ZSWIM2: variants seen among roughly 807,000 people sequenced by gnomAD.
ZSWIM2 encodes zinc finger SWIM-type containing 2.
Under a neutral mutation model 48.4 loss-of-function variants are expected in ZSWIM2, and 38 were observed. The ratio of observed to expected loss-of-function variants is 0.79; its 90% confidence interval spans 0.61 to 1.03. The LOEUF is 1.03. Ranked by LOEUF, ZSWIM2 falls within the 50% of genes least tolerant of loss-of-function variation. ZSWIM2 has a pLI of 0.00. For synonymous variants in ZSWIM2, 240 were observed against 251.3 expected (o/e 0.96, Z 0.42); for missense variants, 776 against 730.2 (o/e 1.06, Z -0.72).
At chr2:186,828,922 G>A (rs1691648354) in intron 8 of ZSWIM2, 132 bp from the exon 9 acceptor site, 2 of 567,346 alleles carry the variant, frequency 3.5e-6, no homozygotes, top group East Asian at 3.2e-5. Context: ...TATTTATCAA[G>A]TTTTATGAAA....
chr2:186,845,805 T>G (rs1413815465), intron 2 of ZSWIM2, among the ~76,000 whole-genome samples: 1 of 151,614 alleles, frequency 6.6e-6, no homozygotes, highest in Non-Finnish European at 1.5e-5. Flanking sequence ...AATTTCAGAT[T>G]TAATAGACAT....
At position 186,833,161 on chromosome 2, in the gene ZSWIM2, AT is replaced by A; in HGVS notation, c.899del (p.Asn300MetfsTer24). 1.3e-6 allele frequency: 2 copies of A among 1,520,304 alleles called. No individual in the cohort carries two copies. Among genetic ancestry groups the A allele is most frequent in the East Asian group, 2.5e-5 (1 of 39,636 alleles). 94.2% of individuals were successfully genotyped at this position (1,520,304 alleles called of 1,614,324 possible). A position where few individuals can be genotyped will look rare whatever the true frequency, so the allele number is the denominator to read the frequency against. ...DEVVKYIDTKNEIEEKMSHFQ... is the reference protein window; with the variant it reads ...DEVVKYIDTKXEIEEKMSHFQ... ...AATGTGACATCTTTTCTTCAATCTC[AT>A]TTTTAGTATCTATGTATTTTACAAC... On this transcript the variant is annotated frameshift_variant, in exon 7 of 9. Coordinates refer to ENST00000295131, the MANE Select transcript of ZSWIM2 (RefSeq NM_182521.3). LOFTEE classifies it high-confidence loss of function.
At position 186,844,761 on chromosome 2, in the gene ZSWIM2, AC is replaced by A. The variant is rs1164444979; in HGVS notation, c.243-5del. The A allele has an allele frequency of 6.4e-7, 1 of 1,559,534 alleles. No individual in the cohort carries two copies. The highest frequency in any genetic ancestry group is 8.6e-7 in the Non-Finnish European group (1 of 1,158,212). On this transcript the variant is annotated splice_polypyrimidine_tract_variant and splice_region_variant and intron_variant, in intron 2 of 8. Coordinates refer to ENST00000295131, the MANE Select transcript of ZSWIM2 (RefSeq NM_182521.3). ...CTTGAATTTTTTCAACAAGACCCTA[AC>A]ATTCACAAGTAGAAAAAAAATCAAG...
At chr2:186,847,585 G>T in intron 2 of ZSWIM2, 134 bp downstream of exon 2, 1 of 498,304 alleles carries the variant, frequency 2.0e-6, no homozygotes, top group East Asian at 3.2e-5. Context: ...GGTAAGCTAT[G>T]ACCATTTTAA....
chr2:186,828,377 C>T lies in ZSWIM2; in HGVS notation c.1509G>A (p.Val503=), dbSNP rs10172225. The change falls in exon 9 of 9, where the codon GTG becomes GTA. Residue 503 remains valine, a synonymous_variant. Coordinates refer to ENST00000295131, the MANE Select transcript of ZSWIM2 (RefSeq NM_182521.3). ...TTTGAGATGGTATTTTCCCAAATGA[C>T]ACAGTGGGTAAATCTTGAAGATACC... ...FPRYLQDLPT[V]SFGKIPSQTL... 0.12 allele frequency: 192,489 copies of T among 1,612,084 alleles called. 15,164 individuals are homozygous for T. Among genetic ancestry groups the T allele is most frequent in the African/African-American group, 0.4 (30,143 of 74,784 alleles).
In ZSWIM2 at chr2:186,839,100, G is replaced by A. The variant is rs769787963; in HGVS notation, c.353C>T (p.Thr118Ile). 2 of 1,611,694 alleles carry A rather than the reference G, an allele frequency of 1.2e-6. No individual in the cohort carries two copies. Among genetic ancestry groups the A allele is most frequent in the Non-Finnish European group, 1.7e-6 (2 of 1,178,428 alleles). ...DLLRGIHRVQ[T>I]PQPGTNDENE... The stretch of plus-strand genomic sequence containing the variant: ...TTCGTCATTTGTTCCTGGTTGGGGA[G>A]TTTGAACTCGATGTATCCCCCGAAG... Residue 118 changes from threonine (T) to isoleucine (I), a missense_variant, in exon 4 of 9, where the codon ACT becomes ATT. Physicochemically the swap from Thr to Ile is moderately conservative, Grantham distance 89. Transcript: ENST00000295131.
chr2:186,848,983 C>G lies in ZSWIM2; in HGVS notation c.148G>C (p.Glu50Gln). The G allele has an allele frequency of 6.2e-7, 1 of 1,613,606 alleles. No homozygotes were observed. The highest frequency in any genetic ancestry group is 8.5e-7 in the Non-Finnish European group (1 of 1,179,988). ...TGFLLREEEP[E>Q]YMDFRVFLGN... ...GTAGTTACTCGGAAATCCATGTATT[C>G]CGGCTCCTCCTCCCTCAGCAGGAAG... The change falls in exon 1 of 9, where the codon GAA becomes CAA. Residue 50 changes from glutamate to glutamine, a missense_variant. Physicochemically the swap from Glu to Gln is conservative, Grantham distance 29 (BLOSUM62 2). Coordinates refer to ENST00000295131, the MANE Select transcript of ZSWIM2 (RefSeq NM_182521.3).
chr2:186,847,645 C>G, intron 2 of ZSWIM2, 74 bp downstream of exon 2: 1 of 1,104,088 alleles, frequency 9.1e-7, no homozygotes. Context: ...GTTATTGAAA[C>G]CATGACAAAG....
chr2:186,830,657 C>T (rs10179175), intron 7 of ZSWIM2, among the ~76,000 whole-genome samples: 27,615 of 151,552 alleles, frequency 0.18, 3,800 homozygotes, highest in African/African-American at 0.4. Flanking sequence ...TTGTTTTCAT[C>T]TGGGGTATAT....
At chr2:186,829,965 T>C in intron 7 of ZSWIM2, 85 bp from the exon 8 acceptor site, 1 of 1,381,292 alleles carries the variant, frequency 7.2e-7, no homozygotes, top group East Asian at 2.3e-5. Context: ...ATAGTCTCTA[T>C]ATAAATAATG....
At chr2:186,832,129 T>C (rs1691711110) in intron 7 of ZSWIM2, among the ~76,000 whole-genome samples, 1 of 152,006 alleles carries the variant, frequency 6.6e-6, no homozygotes, top group Non-Finnish European at 1.5e-5. Context: ...TCTATTTTTT[T>C]TTTGAGATGG....
chr2:186,829,586 G>C (rs1308347813), intron 8 of ZSWIM2, 141 bp downstream of exon 8: 2 of 715,566 alleles, frequency 2.8e-6, no homozygotes, highest in Non-Finnish European at 4.3e-6. Context: ...CTCTGTGGTA[G>C]TTCTTTCTAT....
rs1425044691 is a variant in ZSWIM2, at chr2:186,837,368, G to A, written c.681C>T (p.Asp227=). Residue 227 remains aspartate (D), a synonymous_variant, in exon 5 of 9, where the codon GAC becomes GAT. Coordinates refer to ENST00000295131, the MANE Select transcript of ZSWIM2 (RefSeq NM_182521.3). ...TATTACAGGGAATCCCAAGGTGTTT[G>A]TCCAGTCTCTCTTTTTCTGCTGCAG... ...LVAAAEKERL[D]KHLGIPCNNC... is the part of the protein sequence containing the mutation. 6.2e-7 allele frequency: 1 copy of A among 1,612,864 alleles called. No individual in the cohort carries two copies. The highest frequency in any genetic ancestry group is 8.5e-7 in the Non-Finnish European group (1 of 1,179,328).
chr2:186,845,535 G>C (rs78290311), intron 2 of ZSWIM2, among the ~76,000 whole-genome samples: 2 of 151,236 alleles, frequency 1.3e-5, no homozygotes, highest in African/African-American at 4.8e-5. Context: ...AGAAAACTTA[G>C]TAAAAACATT....
intron 5 of ZSWIM2, 38 bp from the exon 6 acceptor site, chr2:186,834,068 A>T: frequency 6.6e-7 from 1 of 1,519,658 alleles, no homozygotes; most frequent in Non-Finnish European, 9.1e-7. Context: ...AAGAAAAAAA[A>T]ATCCAATTAT....
At chr2:186,835,456 A>G (rs1691776587) in intron 5 of ZSWIM2, among the ~76,000 whole-genome samples, 1 of 152,186 alleles carries the variant, frequency 6.6e-6, no homozygotes, top group African/African-American at 2.4e-5. Flanking sequence ...TAAAAGAAGC[A>G]ACTGCTAATT....
chr2:186,828,141 T>C lies in ZSWIM2; in HGVS notation c.1745A>G (p.Asn582Ser), dbSNP rs1429986029. The C allele has an allele frequency of 3.1e-6, 5 of 1,613,622 alleles. 1 individual carries two copies. The South Asian group carries it at 5.5e-5, about 18-fold the overall frequency. The change falls in exon 9 of 9, where the codon AAT becomes AGT. Residue 582 changes from asparagine (N) to serine (S), a missense_variant. Transcript: ENST00000295131. ...CAAACTAAGTTTAGCTGTGCTCCAA[T>C]TGACAATAAGATTGAAATCCTCTGG... ...LLPEDFNLIV[N>S]WSTAKLSLSK...
At chr2:186,843,308 C>A (rs942136014) in intron 3 of ZSWIM2, among the ~76,000 whole-genome samples, 1 of 151,452 alleles carries the variant, frequency 6.6e-6, no homozygotes, top group Admixed American at 6.6e-5. Flanking sequence ...AACCATACAA[C>A]CTAGTCATCA....
At chr2:186,828,884 A>G (rs910278243) in intron 8 of ZSWIM2, 94 bp from the exon 9 acceptor site, 17 of 773,804 alleles carry the variant, frequency 2.2e-5, no homozygotes, top group Non-Finnish European at 2.7e-5. Context: ...TTTATGATTA[A>G]AAATATTTAG....
Sources: allele counts gnomAD v4.1 joint callset (sites outside exome capture counted in the v4.1 genomes callset), GRCh38; gene constraint gnomAD v4.1.1; transcripts MANE v1.5; gene names NCBI Gene and HGNC (gene_info 2026-07-23, HGNC 2026-07-21).